The following COQ9 variants were observed in gnomAD, a reference collection of about 807,000 sequenced individuals.
COQ9 encodes the protein coenzyme Q9, also known as ubiquinone biosynthesis protein COQ9, mitochondrial.
COQ9 carries 35 observed loss-of-function variants against 42.4 expected under a neutral mutation model. The observed-to-expected ratio is 0.83, with a 90% confidence interval of 0.63 to 1.10. The LOEUF is 1.10. Ranked by LOEUF, COQ9 falls within the 50% of genes least tolerant of loss-of-function variation. The pLI is 0.00. For synonymous variants in COQ9, 155 were observed against 155.1 expected, an observed-to-expected ratio of 1.00 and a Z score of 0.00; for missense variants, 406 against 414.6, an observed-to-expected ratio of 0.98 and a Z score of 0.18.
chr16:57,447,543 C>A lies in COQ9; in HGVS notation c.38C>A (p.Ala13Glu), dbSNP rs764426902. Residue 13 changes from alanine to glutamate, a missense_variant, in exon 1 of 9, where the codon GCG becomes GAG. Coordinates refer to ENST00000262507, the MANE Select transcript of COQ9 (RefSeq NM_020312.4). Reference protein sequence around the residue: ...AAAVSGALGRAGWRLLQLRCL... With the variant: ...AAAVSGALGREGWRLLQLRCL... ...GCGGTATCTGGTGCGCTTGGCCGGG[C>A]GGGCTGGAGGCTCCTGCAGCTGCGA... 4 of 1,307,234 alleles carry A rather than the reference C, an allele frequency of 3.1e-6. No homozygotes were observed. The highest frequency in any genetic ancestry group is 6.1e-5 in the East Asian group (2 of 32,856). The allele number at this position is 1,307,234 out of a possible 1,614,324, so 81.0% of individuals were successfully genotyped here.
chr16:57,458,868 C>T (rs965130434), intron 6 of COQ9, among the ~76,000 whole-genome samples: 11 of 152,164 alleles, frequency 7.2e-5, no homozygotes, highest in African/African-American at 2.7e-4. Context: ...AATACACCTT[C>T]ATAAAAGAAA....
At chr16:57,454,413 T>C (rs2030356411) in intron 3 of COQ9, 1 of 152,280 alleles carries the variant, frequency 6.6e-6, no homozygotes, top group Admixed American at 6.5e-5. Flanking sequence ...CCCAGCACTT[T>C]GGGAGGCCAA....
At position 57,452,931 on chromosome 16, in the gene COQ9, G is replaced by A; in HGVS notation, c.373G>A (p.Ala125Thr). ...GWTAEAIAEG[A>T]QSLGLSSAAA... The stretch of plus-strand genomic sequence containing the variant: ...GACAGCAGAGGCGATTGCAGAAGGA[G>A]CCCAGGTGTGTATAGGTGAGGGTGG... Residue 125 changes from alanine (A) to threonine (T), a missense_variant, in exon 3 of 9, where the codon GCC becomes ACC. Coordinates refer to ENST00000262507, the MANE Select transcript of COQ9 (RefSeq NM_020312.4). 1 of 1,613,502 alleles carries A rather than the reference G, an allele frequency of 6.2e-7. No homozygotes were observed. Among genetic ancestry groups the A allele is most frequent in the Non-Finnish European group, 8.5e-7 (1 of 1,179,926 alleles).
rs1331265432 is a variant in COQ9, at chr16:57,460,648, G to A, written c.*24G>A. ...GAGAGGAAGGGGTATAAGCTACAATGCCTAGAAGAGAATGAGCGGACAGAT... is the reference window on the plus strand; with the variant it reads ...GAGAGGAAGGGGTATAAGCTACAATACCTAGAAGAGAATGAGCGGACAGAT... On this transcript the variant is annotated 3_prime_UTR_variant, in exon 9 of 9. Coordinates refer to ENST00000262507, the MANE Select transcript of COQ9 (RefSeq NM_020312.4). The A allele has an allele frequency of 2.5e-6, 4 of 1,607,666 alleles. No individual in the cohort carries two copies. The highest frequency in any genetic ancestry group is 1.7e-5 in the Admixed American group (1 of 60,008).
intron 3 of COQ9, among the ~76,000 whole-genome samples, chr16:57,455,626 G>A (rs622913): frequency 0.48 from 73,205 of 151,582 alleles, 18,100 homozygotes; most frequent in Non-Finnish European, 0.54. Flanking sequence ...GGCAACAACC[G>A]TTTGGGTGGA....
At chr16:57,449,543 G>T (rs2030234594) in intron 1 of COQ9, among the ~76,000 whole-genome samples, 1 of 152,160 alleles carries the variant, frequency 6.6e-6, no homozygotes, top group African/African-American at 2.4e-5. Flanking sequence ...AGCACTTTGG[G>T]AAGCTGAGGT....
At chr16:57,450,650 A>G (rs2030263739) in intron 1 of COQ9, 2 of 318,170 alleles carry the variant, frequency 6.3e-6, no homozygotes, top group Non-Finnish European at 1.2e-5. Context: ...GCCATAATAT[A>G]TATAAATCTG....
chr16:57,454,667 A>G (rs749936998), intron 3 of COQ9, among the ~76,000 whole-genome samples: 3 of 152,172 alleles, frequency 2.0e-5, no homozygotes, highest in Non-Finnish European at 4.4e-5. Flanking sequence ...GAAACCATAT[A>G]TGAGGTGGGT....
chr16:57,453,378 C>G lies in COQ9; in HGVS notation c.378+442C>G, dbSNP rs182648480. On this transcript the variant is annotated intron_variant, in intron 3 of 8. Coordinates refer to ENST00000262507, the MANE Select transcript of COQ9 (RefSeq NM_020312.4). ...AATGACATATGGTGTTTGAAAACCC[C>G]CAAGAAGGCACCACTTTGGAGACCA... is the stretch of plus-strand genomic sequence containing the variant. 6.9e-5 allele frequency: 19 copies of G among 274,694 alleles called. No individual in the cohort carries two copies. In the Admixed American group the frequency reaches 8.0e-4, roughly 12 times the overall value. The allele number at this position is 274,694 out of a possible 1,614,324, so 17.0% of individuals were successfully genotyped here.
At chr16:57,459,191 G>A (rs1161679961) in intron 6 of COQ9, among the ~76,000 whole-genome samples, 1 of 152,168 alleles carries the variant, frequency 6.6e-6, no homozygotes, top group East Asian at 1.9e-4. Context: ...ACCAAGGTTC[G>A]GTCATAGCTG....
intron 3 of COQ9, among the ~76,000 whole-genome samples, chr16:57,455,973 T>A (rs2030393447): frequency 6.6e-6 from 1 of 151,884 alleles, no homozygotes; most frequent in Non-Finnish European, 1.5e-5. Flanking sequence ...CAGGCTAAGA[T>A]GGGACGATTG....
intron 1 of COQ9, 87 bp downstream of exon 1, chr16:57,447,665 A>G: frequency 1.8e-6 from 2 of 1,128,028 alleles, no homozygotes; most frequent in Non-Finnish European, 2.2e-6. Context: ...TGGGGGGAAG[A>G]GGCCGTTGGG....
intron 2 of COQ9, among the ~76,000 whole-genome samples, chr16:57,452,250 C>G (rs1230292043): frequency 6.6e-6 from 1 of 152,204 alleles, no homozygotes; most frequent in African/African-American, 2.4e-5. Context: ...CTCCAGGGTG[C>G]AGCAATGCCT....
intron 3 of COQ9, among the ~76,000 whole-genome samples, chr16:57,454,643 G>A (rs1465490436): frequency 6.6e-6 from 1 of 152,208 alleles, no homozygotes; most frequent in Admixed American, 6.5e-5. Context: ...GGGCAACAGA[G>A]TGAGACCTTG....
At chr16:57,454,890 C>T (rs116687542) in intron 3 of COQ9, among the ~76,000 whole-genome samples, 199 of 152,128 alleles carry the variant, frequency 1.3e-3, no homozygotes, top group African/African-American at 4.6e-3. Flanking sequence ...CTGGAAAGGT[C>T]AGTCGAGGTC....
At position 57,447,656 on chromosome 16, in the gene COQ9, G is replaced by C. The variant is rs1030002123; in HGVS notation, c.73+78G>C. On this transcript the variant is annotated intron_variant, in intron 1 of 8. Coordinates refer to ENST00000262507, the MANE Select transcript of COQ9 (RefSeq NM_020312.4). The stretch of plus-strand genomic sequence containing the variant: ...GCCGGCTTCAGCTGGGTTCGACGGT[G>C]GGGGGAAGAGGCCGTTGGGGCGGCC... 6.1e-6 allele frequency: 7 copies of C among 1,153,884 alleles called. No individual in the cohort carries two copies. The African/African-American group carries it at 8.0e-5, about 13-fold the overall frequency. 71.5% of individuals were successfully genotyped at this position (1,153,884 alleles called of 1,614,324 possible).
At chr16:57,452,610 C>T (rs945487798) in intron 2 of COQ9, among the ~76,000 whole-genome samples, 191 bp from the exon 3 acceptor site, 12 of 152,142 alleles carry the variant, frequency 7.9e-5, no homozygotes, top group African/African-American at 2.9e-4. Flanking sequence ...CCACTGGACT[C>T]CAGCCTGGGC....
chr16:57,448,492 C>T (rs1364769403), intron 1 of COQ9, among the ~76,000 whole-genome samples: 1 of 151,898 alleles, frequency 6.6e-6, no homozygotes, highest in Non-Finnish European at 1.5e-5. Flanking sequence ...GGTACAATCT[C>T]GGCTCACTGC....
chr16:57,447,520 G>A lies in COQ9; in HGVS notation c.15G>A (p.Ala5=), dbSNP rs201420090. MAAA[A]VSGALGRAGW... The stretch of plus-strand genomic sequence containing the variant: ...CCGCTTCCAAAATGGCGGCGGCGGC[G>A]GTATCTGGTGCGCTTGGCCGGGCGG... The change falls in exon 1 of 9, where the codon GCG becomes GCA. Residue 5 remains alanine, a synonymous_variant. Coordinates refer to ENST00000262507, the MANE Select transcript of COQ9 (RefSeq NM_020312.4). 16 of 1,310,264 alleles carry A rather than the reference G, an allele frequency of 1.2e-5. No homozygotes were observed. The highest frequency in any genetic ancestry group is 3.1e-5 in the East Asian group (1 of 32,646). The allele number at this position is 1,310,264 out of a possible 1,614,324, so 81.2% of individuals were successfully genotyped here.
Sources: gnomAD v4.1 joint callset for allele counts (sites outside exome capture counted in the v4.1 genomes callset) on GRCh38, gnomAD v4.1.1 for gene constraint, MANE v1.5 for transcripts, NCBI Gene and HGNC (gene_info 2026-07-23, HGNC 2026-07-21) for gene names.